The following ITPR2 variants were observed in gnomAD, a reference collection of about 807,000 sequenced individuals.
The protein encoded by ITPR2 is inositol 1,4,5-trisphosphate-gated calcium channel ITPR2.
A neutral mutation model predicts 317.1 loss-of-function variants in ITPR2; 207 were observed. The observed-to-expected ratio is 0.65, with a 90% confidence interval of 0.58 to 0.73. ITPR2 has a LOEUF of 0.73. Among genes scored for constraint, ITPR2 ranks in the 30% least tolerant of loss-of-function variants. The pLI, the probability that ITPR2 is intolerant of heterozygous loss-of-function variation, is 0.00. For missense variants in ITPR2, 2,613 were observed against 3,284.0 expected, an observed-to-expected ratio of 0.80 and a Z score of 4.99; for synonymous variants, 1,156 against 1,149.1, an observed-to-expected ratio of 1.01 and a Z score of -0.12.
At chr12:26,548,808 T>A (rs909964540) in intron 37 of ITPR2, among the ~76,000 whole-genome samples, 4 of 152,186 alleles carry the variant, frequency 2.6e-5, no homozygotes, top group African/African-American at 9.7e-5. Flanking sequence ...CCTGAACTAG[T>A]GATAGCAGTG....
intron 37 of ITPR2, among the ~76,000 whole-genome samples, chr12:26,543,629 C>G (rs1944318004): frequency 6.6e-6 from 1 of 152,012 alleles, no homozygotes; most frequent in Non-Finnish European, 1.5e-5. Flanking sequence ...CAAAAATTAG[C>G]TGGGTGGCAG....
At position 26,731,738 on chromosome 12, in the gene ITPR2, C is replaced by A. The variant is rs561080825; in HGVS notation, c.164-5973G>T. On this transcript the variant is annotated intron_variant, in intron 2 of 56. Coordinates refer to ENST00000381340, the MANE Select transcript of ITPR2 (RefSeq NM_002223.4). The stretch of plus-strand genomic sequence containing the variant: ...ACTTGAGCCTAGGAGTTCAAGGCTG[C>A]AATGAGCTATGATCACACCACTGCA... 2.0e-5 allele frequency among the ~76,000 whole-genome samples: 3 copies of A among 152,242 alleles called. No individual in the cohort carries two copies. In the East Asian group the frequency reaches 5.8e-4, roughly 29 times the overall value.
At chr12:26,414,050 TACAC>T (rs777855580) in intron 51 of ITPR2, among the ~76,000 whole-genome samples, 55 of 138,206 alleles carry the variant, frequency 4.0e-4, no homozygotes, top group African/African-American at 1.1e-3. Flanking sequence ...TGTATATATG[TACAC>T]ACACACACAC....
chr12:26,736,403 TC>T (rs1949118442), intron 2 of ITPR2, among the ~76,000 whole-genome samples: 1 of 152,086 alleles, frequency 6.6e-6, no homozygotes, highest in Non-Finnish European at 1.5e-5. Context: ...TTTTTTTAAA[TC>T]CAAACATCAA....
Position 26,703,232 on chromosome 12 carries a change from T to G in ITPR2, c.952-7582A>C, listed in dbSNP as rs1010228691. Among the ~76,000 whole-genome samples the G allele has an allele frequency of 1.1e-4, 17 of 152,318 alleles. No individual in the cohort carries two copies. The South Asian group carries it at 1.5e-3, about 13-fold the overall frequency. On this transcript the variant is annotated intron_variant, in intron 9 of 56. Coordinates refer to ENST00000381340, the MANE Select transcript of ITPR2 (RefSeq NM_002223.4). ...CCTACAGATGTTAACAATTAGACATTACATAGAACCATTTCTCTCAGATGT... is the reference window on the plus strand; with the variant it reads ...CCTACAGATGTTAACAATTAGACATGACATAGAACCATTTCTCTCAGATGT...
Position 26,429,648 on chromosome 12 carries a change from G to A in ITPR2, c.6770-1560C>T, listed in dbSNP as rs1941153180. Reference sequence around the variant, plus strand: ...TCTAAAAGGATGAGGGCCATCTCTAGACCTATCGCCATGCCTGTTACACAA... The same window carrying A: ...TCTAAAAGGATGAGGGCCATCTCTAAACCTATCGCCATGCCTGTTACACAA... On this transcript the variant is annotated intron_variant, in intron 48 of 56. Coordinates refer to ENST00000381340, the MANE Select transcript of ITPR2 (RefSeq NM_002223.4). 2.0e-5 allele frequency among the ~76,000 whole-genome samples: 3 copies of A among 152,172 alleles called. No homozygotes were observed. The South Asian group carries it at 6.2e-4, about 32-fold the overall frequency.
At chr12:26,751,482 T>C (rs1949416561) in intron 2 of ITPR2, among the ~76,000 whole-genome samples, 1 of 152,128 alleles carries the variant, frequency 6.6e-6, no homozygotes, top group Non-Finnish European at 1.5e-5. Context: ...ACGAGATCAA[T>C]TCATATTCTT....
chr12:26,616,160 C>G (rs1374744905), intron 26 of ITPR2, among the ~76,000 whole-genome samples: 3 of 151,522 alleles, frequency 2.0e-5, no homozygotes, highest in South Asian at 4.2e-4. Flanking sequence ...TTATTTGAGA[C>G]AGAGTCTCAC....
chr12:26,607,944 C>T (rs887117373), intron 26 of ITPR2, among the ~76,000 whole-genome samples: 1 of 151,834 alleles, frequency 6.6e-6, no homozygotes, highest in South Asian at 2.1e-4. Flanking sequence ...ATTAGCCGGG[C>T]GTTTCTACTA....
At chr12:26,768,765 A>G (rs561816229) in intron 2 of ITPR2, among the ~76,000 whole-genome samples, 2 of 152,160 alleles carry the variant, frequency 1.3e-5, no homozygotes, top group East Asian at 3.9e-4. Context: ...AACAATTTGT[A>G]ACTGCACTTG....
At chr12:26,638,745 G>A (rs1946915868) in intron 21 of ITPR2, among the ~76,000 whole-genome samples, 1 of 152,126 alleles carries the variant, frequency 6.6e-6, no homozygotes, top group African/African-American at 2.4e-5. Context: ...CATGAAACAA[G>A]GGAGGATGGC....
chr12:26,443,632 G>GT lies in ITPR2; in HGVS notation c.6360dup (p.Leu2121ThrfsTer14). 2 of 1,612,812 alleles carry GT rather than the reference G, an allele frequency of 1.2e-6. No individual in the cohort carries two copies. Among genetic ancestry groups the GT allele is most frequent in the Non-Finnish European group, 1.7e-6 (2 of 1,179,074 alleles). On this transcript the variant is annotated frameshift_variant, in exon 46 of 57. Transcript: ENST00000381340. LOFTEE classifies it high-confidence loss of function. ...CCTGGTTTGAGCATCTGCTGCAACA[G>GT]TTTATTGTGGCGGGCCAACTAGAGT...
At chr12:26,509,628 T>G (rs1943277353) in intron 37 of ITPR2, among the ~76,000 whole-genome samples, 1 of 152,198 alleles carries the variant, frequency 6.6e-6, no homozygotes, top group Non-Finnish European at 1.5e-5. Flanking sequence ...TAGTAAAATG[T>G]AGACAGGCTC....
In ITPR2 at chr12:26,648,207, G is replaced by A. The variant is rs564514521; in HGVS notation, c.2740+5769C>T. 2.2e-4 allele frequency among the ~76,000 whole-genome samples: 33 copies of A among 152,252 alleles called. 1 individual carries two copies. The South Asian group carries it at 5.8e-3, about 27-fold the overall frequency. On this transcript the variant is annotated intron_variant, in intron 21 of 56. Transcript: ENST00000381340. ...CAGAAAAAACAAATGAATGCTGTGCGTGCACATCCTATTTAAGCCTGGCGC... is the reference window on the plus strand; with the variant it reads ...CAGAAAAAACAAATGAATGCTGTGCATGCACATCCTATTTAAGCCTGGCGC...
chr12:26,537,127 G>C (rs563280547), intron 37 of ITPR2, among the ~76,000 whole-genome samples: 1 of 152,262 alleles, frequency 6.6e-6, no homozygotes, highest in East Asian at 1.9e-4. Context: ...GTTCTGGAGC[G>C]GGAGAGGAAG....
intron 21 of ITPR2, among the ~76,000 whole-genome samples, chr12:26,643,958 G>A (rs952443311): frequency 6.6e-6 from 1 of 152,134 alleles, no homozygotes. Context: ...GTGACCATTC[G>A]TAAAGAGTTT....
intron 13 of ITPR2, among the ~76,000 whole-genome samples, chr12:26,674,938 A>G (rs1157041429): frequency 6.6e-6 from 1 of 151,976 alleles, no homozygotes; most frequent in East Asian, 1.9e-4. Context: ...CAAAAAACAC[A>G]TGAAAAAATG....
At chr12:26,390,687 A>C (rs1939805326) in intron 54 of ITPR2, among the ~76,000 whole-genome samples, 1 of 152,208 alleles carries the variant, frequency 6.6e-6, no homozygotes. Context: ...ACAACTCTGA[A>C]TATACTAAAA....
At chr12:26,461,318 A>C (rs1942013692) in intron 45 of ITPR2, among the ~76,000 whole-genome samples, 1 of 152,206 alleles carries the variant, frequency 6.6e-6, no homozygotes, top group Non-Finnish European at 1.5e-5. Context: ...TCAACTGTGA[A>C]GATTATAAAA....
Sources: gnomAD v4.1 joint callset for allele counts (sites outside exome capture counted in the v4.1 genomes callset) on GRCh38, gnomAD v4.1.1 for gene constraint, MANE v1.5 for transcripts, NCBI Gene and HGNC (gene_info 2026-07-23, HGNC 2026-07-21) for gene names.